MEPE: variants seen among roughly 807,000 people sequenced by gnomAD.
The protein encoded by MEPE is matrix extracellular phosphoglycoprotein.
Under a neutral mutation model 7.3 loss-of-function variants are expected in MEPE, and 7 were observed. That is an observed-to-expected ratio of 0.95 (90% CI 0.54 to 1.79). MEPE has a LOEUF of 1.79. Ranked by LOEUF, MEPE falls within the 40% of genes most tolerant of loss-of-function variation. The pLI is 0.00. For synonymous variants in MEPE, 214 were observed against 213.1 expected (o/e 1.00, Z -0.04); for missense variants, 623 against 628.2 (o/e 0.99, Z 0.09).
chr4:87,821,522 T>G (rs1035437935), intron 1 of MEPE: 1 of 152,194 alleles, frequency 6.6e-6, no homozygotes, highest in Non-Finnish European at 1.5e-5. Flanking sequence ...AAGTAAGACC[T>G]GAGGTACATA....
chr4:87,844,457 A>G (rs554924092), intron 3 of MEPE, among the ~76,000 whole-genome samples: 2 of 152,280 alleles, frequency 1.3e-5, no homozygotes, highest in South Asian at 2.1e-4. Flanking sequence ...GGACTTTTAA[A>G]TGTCAGAAGA....
intron 1 of MEPE, among the ~76,000 whole-genome samples, chr4:87,824,326 CAG>C (rs1722410890): frequency 6.6e-6 from 1 of 152,174 alleles, no homozygotes; most frequent in South Asian, 2.1e-4. Flanking sequence ...ATTCTTGTTA[CAG>C]AATTCTGAAA....
At chr4:87,824,638 A>C (rs1722419599) in intron 1 of MEPE, among the ~76,000 whole-genome samples, 1 of 152,256 alleles carries the variant, frequency 6.6e-6, no homozygotes, top group Admixed American at 6.5e-5. Flanking sequence ...ATGATTGTAT[A>C]AACTATGATC....
chr4:87,826,779 C>T (rs1236259559), intron 1 of MEPE, among the ~76,000 whole-genome samples: 1 of 152,090 alleles, frequency 6.6e-6, no homozygotes, highest in Non-Finnish European at 1.5e-5. Flanking sequence ...TTGCTGGCCA[C>T]ATGTATGTCT....
upstream of MEPE, among the ~76,000 whole-genome samples, chr4:87,829,410 T>G (rs1000074794): frequency 1.3e-5 from 2 of 152,166 alleles, no homozygotes; most frequent in African/African-American, 4.8e-5. Context: ...ACACAGGTTT[T>G]TCTAGATCAT....
At chr4:87,843,907 G>A (rs1723106938) in intron 3 of MEPE, among the ~76,000 whole-genome samples, 1 of 152,106 alleles carries the variant, frequency 6.6e-6, no homozygotes, top group South Asian at 2.1e-4. Context: ...ACATGCATGG[G>A]ATAATGTTGC....
intron 3 of MEPE, chr4:87,839,669 T>G: frequency 6.5e-7 from 1 of 1,531,356 alleles, no homozygotes; most frequent in Non-Finnish European, 8.9e-7. Flanking sequence ...CTCAATATAA[T>G]GTTGTGTTTT....
rs370268046 is a variant in MEPE at position 87,839,838 on chromosome 4, G to A, written c.108+1153G>A. 4.6e-4 allele frequency: 703 copies of A among 1,543,132 alleles called. 5 individuals are homozygous for A. The South Asian group carries it at 4.8e-3, about 11-fold the overall frequency. On this transcript the variant is annotated intron_variant, in intron 3 of 3. Coordinates refer to ENST00000361056, the MANE Select transcript of MEPE (RefSeq NM_020203.6). Reference sequence around the variant, plus strand: ...ACTAAACTCTGGACTAGCCCTAGAGGAAAATGTAGGGGAGGCAAAGTTTAC... The same window carrying A: ...ACTAAACTCTGGACTAGCCCTAGAGAAAAATGTAGGGGAGGCAAAGTTTAC...
At chr4:87,828,494 TAA>T (rs1312650066), upstream of MEPE, among the ~76,000 whole-genome samples, 1 of 151,958 alleles carries the variant, frequency 6.6e-6, no homozygotes. Context: ...CCTAGAATAC[TAA>T]GTTTAAAAAA....
At chr4:87,841,595 C>A (rs1186307526) in intron 3 of MEPE, among the ~76,000 whole-genome samples, 1 of 151,844 alleles carries the variant, frequency 6.6e-6, no homozygotes, top group African/African-American at 2.4e-5. Flanking sequence ...ATTTTAGATT[C>A]AAATGTGAGC....
intron 1 of MEPE, among the ~76,000 whole-genome samples, chr4:87,834,338 C>A (rs1722698204): frequency 6.6e-6 from 1 of 152,176 alleles, no homozygotes; most frequent in Non-Finnish European, 1.5e-5. Flanking sequence ...GCTACATCAA[C>A]TTAATGTCAT....
intron 2 of MEPE, among the ~76,000 whole-genome samples, chr4:87,834,995 C>T (rs570062673): frequency 6.6e-6 from 1 of 152,238 alleles, no homozygotes; most frequent in Admixed American, 6.5e-5. Context: ...TTAAGGAACA[C>T]CAAAAACAGA....
chr4:87,834,708 C>T lies in MEPE; in HGVS notation c.-7C>T, dbSNP rs1342158413. 1 of 1,612,528 alleles carries T rather than the reference C, an allele frequency of 6.2e-7. No homozygotes were observed. The highest frequency in any genetic ancestry group is 1.3e-5 in the African/African-American group (1 of 74,852). On this transcript the variant is annotated 5_prime_UTR_variant, in exon 2 of 4. Coordinates refer to ENST00000361056, the MANE Select transcript of MEPE (RefSeq NM_020203.6). ...ATATTGTTGTCTTTTTACAGAGATT[C>T]TCAAAGATGCGAGTTTTCTGTGTGG...
chr4:87,840,136 T>C, intron 3 of MEPE: 1 of 1,439,708 alleles, frequency 6.9e-7, no homozygotes, highest in Non-Finnish European at 9.3e-7. Context: ...TTCTACCATA[T>C]GCTCTGATGG....
At chr4:87,830,835 AAGAG>A (rs1553915131), upstream of MEPE, among the ~76,000 whole-genome samples, 1 of 151,382 alleles carries the variant, frequency 6.6e-6, no homozygotes, top group African/African-American at 2.4e-5. Context: ...AAAAAAAAAA[AAGAG>A]AGAGTTAGCT....
chr4:87,846,451 C>T lies in MEPE; in HGVS notation c.*5C>T. ...AGTGAGAGCGATGGTGACTAGTCCA[C>T]CAGGAGTTCCCAGCGGGGTGACAGT... is the stretch of plus-strand genomic sequence containing the variant. On this transcript the variant is annotated 3_prime_UTR_variant, in exon 4 of 4. Transcript: ENST00000361056. 1 of 1,606,250 alleles carries T rather than the reference C, an allele frequency of 6.2e-7. No homozygotes were observed. The highest frequency in any genetic ancestry group is 8.5e-7 in the Non-Finnish European group (1 of 1,176,188).
At chr4:87,836,115 AT>A (rs1379935702) in intron 2 of MEPE, among the ~76,000 whole-genome samples, 1 of 152,124 alleles carries the variant, frequency 6.6e-6, no homozygotes, top group Admixed American at 6.6e-5. Flanking sequence ...ACTGTGAATC[AT>A]TAAATATGAT....
At chr4:87,833,597 C>T (rs189103758) in intron 1 of MEPE, among the ~76,000 whole-genome samples, 1 of 152,070 alleles carries the variant, frequency 6.6e-6, no homozygotes, top group East Asian at 1.9e-4. Context: ...TTATTTTTTC[C>T]CATAAAAACA....
intron 3 of MEPE, chr4:87,839,619 C>A: frequency 8.7e-7 from 1 of 1,146,202 alleles, no homozygotes; most frequent in Non-Finnish European, 1.3e-6. Flanking sequence ...TATATTATTA[C>A]AAAGAGCCCA....
Sources: gnomAD v4.1 joint callset for allele counts (sites outside exome capture counted in the v4.1 genomes callset) on GRCh38, gnomAD v4.1.1 for gene constraint, MANE v1.5 for transcripts, NCBI Gene and HGNC (gene_info 2026-07-23, HGNC 2026-07-21) for gene names.